Variants in POFUT3 observed in about 807,000 individuals in gnomAD.
The protein encoded by POFUT3 is protein O-fucosyltransferase 3.
At chr8:33,377,186 C>T in the POFUT3 span, among the ~76,000 whole-genome samples, 119 of 151,074 alleles carry the variant, frequency 7.9e-4, 1 homozygote, top group African/African-American at 2.8e-3. Context: ...AAGCTGAGAT[C>T]GCACCATTGC....
At chr8:33,314,006 C>G in the POFUT3 span, among the ~76,000 whole-genome samples, 1 of 152,130 alleles carries the variant, frequency 6.6e-6, no homozygotes. Flanking sequence ...ACGTAATGAC[C>G]TCTAGGTATC....
the POFUT3 span, chr8:33,389,385 C>T: frequency 8.7e-6 from 14 of 1,614,054 alleles, no homozygotes; most frequent in South Asian, 1.4e-4. Context: ...AAGCCATCGG[C>T]ATCCATAGAG....
the POFUT3 span, among the ~76,000 whole-genome samples, chr8:33,434,232 G>C: frequency 6.6e-6 from 1 of 152,218 alleles, no homozygotes; most frequent in Non-Finnish European, 1.5e-5. Context: ...CTGCACTCCA[G>C]CCTGGGCAGC....
chr8:33,316,741 C>CAAA, the POFUT3 span, among the ~76,000 whole-genome samples: 106 of 136,788 alleles, frequency 7.7e-4, no homozygotes, highest in Middle Eastern at 7.3e-3. Context: ...GACTCTGTCT[C>CAAA]AAAAAAAAAA....
the POFUT3 span, among the ~76,000 whole-genome samples, chr8:33,399,842 C>T: frequency 2.1e-3 from 317 of 151,708 alleles, 1 homozygote; most frequent in African/African-American, 7.2e-3. Context: ...TTTGTAGAGA[C>T]GGGGTTTCAC....
the POFUT3 span, chr8:33,370,792 T>A: frequency 1.3e-5 from 2 of 152,190 alleles, no homozygotes; most frequent in Non-Finnish European, 2.9e-5. Flanking sequence ...CAGGCTTTCT[T>A]TTGAGGGTTC....
At chr8:33,356,030 C>T in the POFUT3 span, among the ~76,000 whole-genome samples, 329 of 152,100 alleles carry the variant, frequency 2.2e-3, 2 homozygotes, top group African/African-American at 7.7e-3. Flanking sequence ...CATAGTATTC[C>T]ATGGTGTATA....
the POFUT3 span, among the ~76,000 whole-genome samples, chr8:33,385,421 G>T: frequency 1.3e-5 from 2 of 151,966 alleles, no homozygotes; most frequent in Admixed American, 1.3e-4. Flanking sequence ...CCCACTACAC[G>T]GTAGAAGCAA....
chr8:33,384,925 C>A, the POFUT3 span, among the ~76,000 whole-genome samples: 1 of 151,948 alleles, frequency 6.6e-6, no homozygotes, highest in South Asian at 2.1e-4. Context: ...AAAATGGACA[C>A]ATGACACTGT....
the POFUT3 span, among the ~76,000 whole-genome samples, chr8:33,380,052 CTA>C: frequency 1.6e-4 from 10 of 63,946 alleles, no homozygotes; most frequent in African/African-American, 2.0e-4. Flanking sequence ...TATATATACA[CTA>C]TATATATACA....
the POFUT3 span, among the ~76,000 whole-genome samples, chr8:33,380,078 C>CACTA: frequency 3.7e-4 from 18 of 48,130 alleles, no homozygotes; most frequent in African/African-American, 2.4e-3. Context: ...TATATATACA[C>CACTA]TATATATACT....
the POFUT3 span, among the ~76,000 whole-genome samples, chr8:33,373,682 A>T: frequency 6.6e-6 from 1 of 152,310 alleles, no homozygotes; most frequent in African/African-American, 2.4e-5. Flanking sequence ...AAGAAAAAGA[A>T]AAGTAAAAGA....
the POFUT3 span, among the ~76,000 whole-genome samples, chr8:33,321,248 T>C: frequency 1.3e-5 from 2 of 152,124 alleles, no homozygotes; most frequent in African/African-American, 4.8e-5. Flanking sequence ...AAAAAGCCAC[T>C]GAAAGTTCTC....
At chr8:33,314,735 A>T in the POFUT3 span, among the ~76,000 whole-genome samples, 5 of 152,200 alleles carry the variant, frequency 3.3e-5, no homozygotes, top group Non-Finnish European at 7.3e-5. Flanking sequence ...GTGATATAGC[A>T]GGTTCTGAAG....
the POFUT3 span, among the ~76,000 whole-genome samples, chr8:33,319,666 TTA>T: frequency 9.2e-5 from 2 of 21,688 alleles, 1 homozygote; most frequent in Non-Finnish European, 1.6e-4. Flanking sequence ...TATATATATT[TTA>T]TATATATTTA....
chr8:33,338,453 C>T, the POFUT3 span, among the ~76,000 whole-genome samples: 1 of 152,202 alleles, frequency 6.6e-6, no homozygotes, highest in Non-Finnish European at 1.5e-5. Context: ...GATAAGAAAA[C>T]TTGCCACTTG....
chr8:33,451,419 TGTGTGTATATAC>T, the POFUT3 span, among the ~76,000 whole-genome samples: 31 of 151,940 alleles, frequency 2.0e-4, no homozygotes, highest in Admixed American at 9.2e-4. Context: ...CATGTATACA[TGTGTGTATATAC>T]GTGTGTATAT....
At chr8:33,325,519 A>G in the POFUT3 span, among the ~76,000 whole-genome samples, 1 of 152,166 alleles carries the variant, frequency 6.6e-6, no homozygotes, top group South Asian at 2.1e-4. Context: ...TTCTCAGCTC[A>G]CTGAAATGTA....
At chr8:33,335,368 A>G in the POFUT3 span, among the ~76,000 whole-genome samples, 11 of 152,326 alleles carry the variant, frequency 7.2e-5, no homozygotes, top group South Asian at 2.3e-3. Flanking sequence ...CAGACTATGA[A>G]TAAGTACCTA....
Sources: allele counts gnomAD v4.1 joint callset (sites outside exome capture counted in the v4.1 genomes callset), GRCh38; gene constraint gnomAD v4.1.1; transcripts MANE v1.5; gene names NCBI Gene and HGNC (gene_info 2026-07-23, HGNC 2026-07-21).